Variants in GSE1 observed in about 807,000 individuals in gnomAD.
The protein encoded by GSE1 is genetic suppressor element 1.
A neutral mutation model predicts 112.6 loss-of-function variants in GSE1; 32 were observed. The observed-to-expected ratio is 0.28, with a 90% confidence interval of 0.21 to 0.38. GSE1 has a LOEUF of 0.38. GSE1 is among the 10% of genes least tolerant of loss of function. GSE1 has a pLI of 1.00. For synonymous variants in GSE1, 1,115 were observed against 735.6 expected (o/e 1.52, Z -8.35); for missense variants, 2,348 against 1,699.2 (o/e 1.38, Z -6.71).
intron 2 of GSE1, among the ~76,000 whole-genome samples, chr16:85,395,519 C>T (rs1362218649): frequency 6.6e-6 from 1 of 152,164 alleles, no homozygotes; most frequent in Non-Finnish European, 1.5e-5. Context: ...CACAGGCTGG[C>T]ATGTTCGCTG....
intron 2 of GSE1, among the ~76,000 whole-genome samples, chr16:85,501,048 C>G (rs1361480515): frequency 7.2e-6 from 1 of 138,880 alleles, no homozygotes; most frequent in Admixed American, 7.5e-5. Context: ...CTCTGTTGCC[C>G]AGGCTGGAGT....
chr16:85,450,700 T>A (rs936357772), intron 2 of GSE1, among the ~76,000 whole-genome samples: 1 of 151,776 alleles, frequency 6.6e-6, no homozygotes, highest in Non-Finnish European at 1.5e-5. Flanking sequence ...CCACCCGCCT[T>A]GGCCTCCCAA....
chr16:85,652,091 G>A (rs552599734), intron 3 of GSE1, among the ~76,000 whole-genome samples: 1 of 152,220 alleles, frequency 6.6e-6, no homozygotes, highest in Non-Finnish European at 1.5e-5. Context: ...TGCCATGTCC[G>A]GGCCCCCACC....
In GSE1 at chr16:85,478,927, C is replaced by CTTTT. The variant is rs1285190496; in HGVS notation, c.2464+121285_2464+121286insTTTT. Among the ~76,000 whole-genome samples, 32 of 28,036 alleles carry CTTTT rather than the reference C, an allele frequency of 1.1e-3. 3 individuals carry two copies. The highest frequency in any genetic ancestry group is 2.3e-3 in the African/African-American group (15 of 6,512). 18.4% of individuals were successfully genotyped at this position (28,036 alleles called of 152,430 possible). On this transcript the variant is annotated intron_variant, in intron 2 of 2. Coordinates refer to the GSE1 transcript ENST00000637419. ...TCTTTCTTTCTTTCTTTCTTTCTTT[C>CTTTT]TCTTTCTTTCTTTCTTTCTTTTTTT...
chr16:85,266,213 G>A (rs930747110), intron 1 of GSE1, among the ~76,000 whole-genome samples: 4 of 152,186 alleles, frequency 2.6e-5, no homozygotes, highest in Non-Finnish European at 5.9e-5. Context: ...CTTGGGGGCC[G>A]TAGTGCCCCC....
intron 1 of GSE1, among the ~76,000 whole-genome samples, chr16:85,319,949 G>C (rs1407757102): frequency 6.6e-6 from 1 of 152,192 alleles, no homozygotes; most frequent in Non-Finnish European, 1.5e-5. Context: ...CTGGGTCCCG[G>C]GCTTACAACT....
chr16:85,390,210 C>G (rs2047806105), intron 2 of GSE1, among the ~76,000 whole-genome samples: 1 of 152,206 alleles, frequency 6.6e-6, no homozygotes, highest in Admixed American at 6.5e-5. Flanking sequence ...CGCTGGCACA[C>G]AGTAGGTGCT....
intron 1 of GSE1, among the ~76,000 whole-genome samples, chr16:85,629,443 T>C (rs931461343): frequency 8.5e-5 from 13 of 152,140 alleles, no homozygotes; most frequent in Non-Finnish European, 1.8e-4. Context: ...TGCGGTAGCA[T>C]GTGGTGTGGT....
chr16:85,489,482 C>T (rs372252722), intron 2 of GSE1, among the ~76,000 whole-genome samples: 1 of 152,046 alleles, frequency 6.6e-6, no homozygotes, highest in Non-Finnish European at 1.5e-5. Context: ...AGTGGCATAT[C>T]GCCCTTCCAA....
intron 3 of GSE1, among the ~76,000 whole-genome samples, 186 bp downstream of exon 3, chr16:85,648,937 C>T (rs1289191766): frequency 2.0e-5 from 3 of 152,112 alleles, no homozygotes; most frequent in Non-Finnish European, 2.9e-5. Flanking sequence ...AGGCCCTGTG[C>T]GGGTGAGTAC....
chr16:85,637,088 G>A (rs1347167500), intron 2 of GSE1, among the ~76,000 whole-genome samples: 2 of 152,236 alleles, frequency 1.3e-5, no homozygotes, highest in African/African-American at 4.8e-5. Flanking sequence ...ATGATTTGGT[G>A]ATTTTCCTAC....
intron 1 of GSE1, among the ~76,000 whole-genome samples, chr16:85,228,136 G>A (rs534963063): frequency 6.6e-6 from 1 of 152,350 alleles, no homozygotes; most frequent in African/African-American, 2.4e-5. Context: ...AGGCAGGAGT[G>A]AGCCTGGCTG....
rs368499671 is a variant in GSE1, at chr16:85,394,241, C to T, written c.2464+36598C>T. Reference sequence around the variant, plus strand: ...GGGGCCGGGGAGCGAGGTCAAGGCCCGAGAAATTAAATGTTCATAAATGTA... The same window carrying T: ...GGGGCCGGGGAGCGAGGTCAAGGCCTGAGAAATTAAATGTTCATAAATGTA... On this transcript the variant is annotated intron_variant, in intron 2 of 2. Coordinates refer to the GSE1 transcript ENST00000637419. Among the ~76,000 whole-genome samples, 378 of 152,156 alleles carry T rather than the reference C, an allele frequency of 2.5e-3. 1 individual carries two copies. The highest frequency in any genetic ancestry group is 8.5e-3 in the African/African-American group (353 of 41,510).
chr16:85,219,692 C>T (rs1003804536), intron 1 of GSE1, among the ~76,000 whole-genome samples: 4 of 152,254 alleles, frequency 2.6e-5, no homozygotes, highest in African/African-American at 9.6e-5. Flanking sequence ...TGACCTGTCT[C>T]CTGTGGTCAT....
intron 2 of GSE1, among the ~76,000 whole-genome samples, chr16:85,431,283 G>T (rs2049114498): frequency 6.6e-6 from 1 of 152,222 alleles, no homozygotes; most frequent in Non-Finnish European, 1.5e-5. Context: ...CAGCCTCCAG[G>T]CCCTGTCCAT....
chr16:85,627,693 C>T (rs1452530931), intron 1 of GSE1, among the ~76,000 whole-genome samples: 3 of 152,172 alleles, frequency 2.0e-5, no homozygotes, highest in East Asian at 1.9e-4. Context: ...CCCCGGCCCT[C>T]ATCCGTCACA....
intron 2 of GSE1, 117 bp from the exon 3 acceptor site, chr16:85,648,435 C>A (rs1567715422): frequency 1.6e-6 from 1 of 611,528 alleles, no homozygotes; most frequent in Non-Finnish European, 2.9e-6. Context: ...GCTGGTAGAC[C>A]TGGAGGTCTG....
At chr16:85,649,331 C>T (rs2151879289) in intron 3 of GSE1, among the ~76,000 whole-genome samples, 2 of 152,274 alleles carry the variant, frequency 1.3e-5, no homozygotes, top group South Asian at 4.1e-4. Flanking sequence ...TGTTTGCACG[C>T]TGAGCACCCG....
intron 1 of GSE1, among the ~76,000 whole-genome samples, chr16:85,230,870 AGTGGACGGACAG>A (rs1904277716): frequency 8.7e-6 from 1 of 115,498 alleles, no homozygotes; most frequent in African/African-American, 3.1e-5. Context: ...TGGATGGATG[AGTGGACGGACAG>A]AGGGATGGGT....
Sources: allele counts gnomAD v4.1 joint callset (sites outside exome capture counted in the v4.1 genomes callset), GRCh38; gene constraint gnomAD v4.1.1; transcripts MANE v1.5; gene names NCBI Gene and HGNC (gene_info 2026-07-23, HGNC 2026-07-21).